ZBTB20: variants seen among roughly 807,000 people sequenced by gnomAD.
ZBTB20 encodes zinc finger and BTB domain-containing protein 20.
ZBTB20 carries 9 observed loss-of-function variants against 56.9 expected under a neutral mutation model. The observed-to-expected ratio is 0.16, with a 90% CI of 0.10 to 0.28. The LOEUF is 0.28. ZBTB20 is among the 10% of genes least tolerant of loss of function. ZBTB20 has a pLI of 1.00. For synonymous variants in ZBTB20, 417 were observed against 420.7 expected, an observed-to-expected ratio of 0.99 and a Z score of 0.11; for missense variants, 655 against 1,003.0, an observed-to-expected ratio of 0.65 and a Z score of 4.69.
intron 7 of ZBTB20, among the ~76,000 whole-genome samples, chr3:114,452,781 A>G (rs1388921979): frequency 6.6e-6 from 1 of 152,184 alleles, no homozygotes; most frequent in Non-Finnish European, 1.5e-5. Context: ...CTGATTCTTG[A>G]AACAACTGTT....
At position 114,457,379 on chromosome 3, in the gene ZBTB20, A is replaced by G. The variant is rs116063573; in HGVS notation, c.-255+42973T>C. The stretch of plus-strand genomic sequence containing the variant: ...TTATTATGGAGGAAGGTGTGTAAAC[A>G]AAAGTGTATATTATGGATGTGCTGA... On this transcript the variant is annotated intron_variant, in intron 7 of 11. Transcript: ENST00000675478. 4.7e-3 allele frequency among the ~76,000 whole-genome samples: 721 copies of G among 152,314 alleles called. 6 individuals carry two copies. The highest frequency in any genetic ancestry group is 0.016 in the African/African-American group (663 of 41,584).
chr3:115,041,415 T>C (rs2081137421), intron 2 of ZBTB20, among the ~76,000 whole-genome samples: 1 of 152,192 alleles, frequency 6.6e-6, no homozygotes, highest in African/African-American at 2.4e-5. Flanking sequence ...ATCCAGTCTT[T>C]GGTTCACTTT....
chr3:114,382,113 T>C (rs1437082629), intron 8 of ZBTB20, among the ~76,000 whole-genome samples: 1 of 152,232 alleles, frequency 6.6e-6, no homozygotes, highest in East Asian at 1.9e-4. Flanking sequence ...TACCACCAGG[T>C]TGGAAACCTC....
At chr3:114,632,837 A>G (rs1231314447) in intron 6 of ZBTB20, among the ~76,000 whole-genome samples, 2 of 152,190 alleles carry the variant, frequency 1.3e-5, no homozygotes, top group Non-Finnish European at 2.9e-5. Context: ...GCTTTCCTGA[A>G]AGCTGGCACA....
intron 1 of ZBTB20, among the ~76,000 whole-genome samples, chr3:115,090,300 GTAAAC>G (rs2108570800): frequency 6.6e-6 from 1 of 151,830 alleles, no homozygotes; most frequent in South Asian, 2.1e-4. Flanking sequence ...AATATCTTAT[GTAAAC>G]TAAAGTTTGA....
intron 5 of ZBTB20, chr3:114,743,863 A>C (rs1044796399): frequency 4.6e-5 from 7 of 152,182 alleles, no homozygotes; most frequent in Non-Finnish European, 8.8e-5. Flanking sequence ...TCTCTCACAG[A>C]GATATTTTAG....
intron 6 of ZBTB20, among the ~76,000 whole-genome samples, chr3:114,674,800 T>C (rs1398964476): frequency 1.3e-5 from 2 of 151,890 alleles, no homozygotes; most frequent in Non-Finnish European, 2.9e-5. Context: ...GGGTATATAA[T>C]ACACAACACT....
chr3:115,033,250 T>G (rs1325940486), intron 2 of ZBTB20, among the ~76,000 whole-genome samples: 2 of 151,416 alleles, frequency 1.3e-5, no homozygotes, highest in East Asian at 3.9e-4. Flanking sequence ...GCCAACGAAT[T>G]GGATAACCTA....
chr3:114,806,135 A>C (rs1437870941), intron 4 of ZBTB20, among the ~76,000 whole-genome samples: 1 of 151,836 alleles, frequency 6.6e-6, no homozygotes, highest in Non-Finnish European at 1.5e-5. Flanking sequence ...GCTGGATCAT[A>C]AGGGTAAGTT....
At chr3:115,087,166 G>A (rs545001754) in intron 1 of ZBTB20, among the ~76,000 whole-genome samples, 1 of 151,800 alleles carries the variant, frequency 6.6e-6, no homozygotes, top group Admixed American at 6.6e-5. Context: ...TATCAATTTA[G>A]GAGGAAAAGG....
intron 5 of ZBTB20, among the ~76,000 whole-genome samples, chr3:114,748,283 T>C (rs1349696834): frequency 1.8e-5 from 1 of 55,100 alleles, no homozygotes; most frequent in East Asian, 5.8e-4. Context: ...TTGTAGCTTC[T>C]TTCTTTCTTT....
intron 2 of ZBTB20, among the ~76,000 whole-genome samples, chr3:115,002,542 A>G (rs2079295705): frequency 6.6e-6 from 1 of 151,464 alleles, no homozygotes; most frequent in African/African-American, 2.4e-5. Context: ...AAAGATCTGA[A>G]CAGACATCTC....
chr3:115,108,006 G>A (rs1005216289), intron 1 of ZBTB20, among the ~76,000 whole-genome samples: 1 of 152,124 alleles, frequency 6.6e-6, no homozygotes, highest in African/African-American at 2.4e-5. Context: ...GGTGAGAGGA[G>A]GGAGAGCATC....
intron 5 of ZBTB20, among the ~76,000 whole-genome samples, chr3:114,745,406 G>A (rs1466891647): frequency 6.6e-6 from 1 of 152,176 alleles, no homozygotes; most frequent in Non-Finnish European, 1.5e-5. Context: ...AAGATGCTAA[G>A]AGGGAGTTCC....
intron 1 of ZBTB20, among the ~76,000 whole-genome samples, chr3:115,134,509 G>A (rs941134711): frequency 6.6e-5 from 10 of 151,006 alleles, no homozygotes; most frequent in Non-Finnish European, 1.5e-4. Context: ...TTTCATCATG[G>A]GTTTTTTTAT....
chr3:114,383,344 AAGGACAT>A (rs1467820692), intron 8 of ZBTB20, among the ~76,000 whole-genome samples: 1 of 152,232 alleles, frequency 6.6e-6, no homozygotes, highest in Non-Finnish European at 1.5e-5. Flanking sequence ...TTTCAAACAT[AAGGACAT>A]AGCAAAACCA....
rs2078621479 is a variant in ZBTB20, at chr3:114,314,902, T to C, written c.*24103A>G. 1 of 151,942 alleles carries C rather than the reference T, an allele frequency of 6.6e-6. No individual in the cohort carries two copies. Among genetic ancestry groups the C allele is most frequent in the Admixed American group, 6.6e-5 (1 of 15,236 alleles). The allele number at this position is 151,942 out of a possible 1,614,324, so 9.4% of individuals were successfully genotyped here. On this transcript the variant is annotated 3_prime_UTR_variant, in exon 12 of 12. Coordinates refer to ENST00000675478, the MANE Select transcript of ZBTB20 (RefSeq NM_001348800.3). The stretch of plus-strand genomic sequence containing the variant: ...CACAGGTAAATATACGTGAGAAAAA[T>C]ACGAGGCTAATATTAAATGGCAGGT...
intron 6 of ZBTB20, among the ~76,000 whole-genome samples, chr3:114,546,330 C>T (rs1274485861): frequency 6.6e-6 from 1 of 152,110 alleles, no homozygotes; most frequent in Admixed American, 6.6e-5. Flanking sequence ...CTTCCTCTAC[C>T]GAATGGTGGA....
intron 6 of ZBTB20, among the ~76,000 whole-genome samples, chr3:114,661,609 T>C (rs2060726311): frequency 1.3e-5 from 2 of 152,172 alleles, no homozygotes; most frequent in South Asian, 4.1e-4. Context: ...TGATTCCTTA[T>C]TAAAGTGGAT....
Sources: allele counts gnomAD v4.1 joint callset (sites outside exome capture counted in the v4.1 genomes callset), GRCh38; gene constraint gnomAD v4.1.1; transcripts MANE v1.5; gene names NCBI Gene and HGNC (gene_info 2026-07-23, HGNC 2026-07-21).